Variants in TAOK3 observed in about 807,000 individuals in gnomAD.
The protein encoded by TAOK3 is TAO kinase 3, also known as serine/threonine-protein kinase TAO3.
In TAOK3, 40 loss-of-function variants were observed where a neutral mutation model predicts 120.4. That is an observed-to-expected ratio of 0.33 (90% CI 0.26 to 0.43). The LOEUF is 0.43. TAOK3 is among the 20% of genes least tolerant of loss of function. The pLI is 1.00. For synonymous variants in TAOK3, 355 were observed against 387.5 expected, an observed-to-expected ratio of 0.92 and a Z score of 0.99; for missense variants, 821 against 1,112.1, an observed-to-expected ratio of 0.74 and a Z score of 3.72.
At position 118,266,777 on chromosome 12, in the gene TAOK3, C is replaced by A. The variant is rs1278238156; in HGVS notation, c.-193-18G>T. ...GATGCAACCTATAGAAAAAGAAGAA[C>A]AAAATACATAATTATCAGCCAAATT... On this transcript the variant is annotated intron_variant, in intron 1 of 20. Coordinates refer to ENST00000392533, the MANE Select transcript of TAOK3 (RefSeq NM_016281.4). The A allele has an allele frequency of 7.6e-6, 3 of 395,162 alleles. No individual in the cohort carries two copies. The highest frequency in any genetic ancestry group is 6.2e-5 in the African/African-American group (3 of 48,520). 24.5% of individuals were successfully genotyped at this position (395,162 alleles called of 1,614,324 possible). A position where few individuals can be genotyped will look rare whatever the true frequency, so the allele number is the denominator to read the frequency against.
intron 5 of TAOK3, among the ~76,000 whole-genome samples, chr12:118,240,886 T>C (rs931478966): frequency 6.6e-6 from 1 of 151,864 alleles, no homozygotes; most frequent in Admixed American, 6.6e-5. Flanking sequence ...AATATATTTA[T>C]ATTATGTACC....
intron 1 of TAOK3, among the ~76,000 whole-genome samples, chr12:118,267,072 G>A (rs914604385): frequency 4.6e-5 from 7 of 152,190 alleles, no homozygotes; most frequent in African/African-American, 1.4e-4. Flanking sequence ...GACAGCACGC[G>A]GTAATGCTAC....
chr12:118,189,873 T>C lies in TAOK3; in HGVS notation c.1263A>G (p.Ser421=). 1.9e-6 allele frequency: 3 copies of C among 1,614,234 alleles called. No individual in the cohort carries two copies. Among genetic ancestry groups the C allele is most frequent in the Non-Finnish European group, 8.5e-7 (1 of 1,180,044 alleles). Residue 421 remains serine (S), a synonymous_variant, in exon 14 of 21, where the codon TCA becomes TCG. Transcript: ENST00000392533. ...GGTAGTGGAGGGCCTGGCTCTGAAC[T>C]GACTGGGTAGGCCGCGGCTCAGGCC... ...DPRPEPRPTQ[S]VQSQALHYRN...
At chr12:118,220,411 C>T (rs2039172139) in intron 9 of TAOK3, among the ~76,000 whole-genome samples, 2 of 151,892 alleles carry the variant, frequency 1.3e-5, no homozygotes, top group Non-Finnish European at 2.9e-5. Flanking sequence ...AATCTTTGTT[C>T]AGTAAGTAAT....
At chr12:118,303,636 C>T (rs899188884) in intron 1 of TAOK3, among the ~76,000 whole-genome samples, 4 of 152,068 alleles carry the variant, frequency 2.6e-5, no homozygotes, top group South Asian at 2.1e-4. Flanking sequence ...TTTAATTTTT[C>T]CCTTACTGCT....
intron 20 of TAOK3, among the ~76,000 whole-genome samples, chr12:118,151,866 A>T (rs184199847): frequency 6.6e-6 from 1 of 152,122 alleles, no homozygotes; most frequent in Non-Finnish European, 1.5e-5. Flanking sequence ...TGAAAAGTCA[A>T]ATCTATTGTA....
At chr12:118,222,695 A>G (rs1157667410) in intron 9 of TAOK3, among the ~76,000 whole-genome samples, 1 of 152,198 alleles carries the variant, frequency 6.6e-6, no homozygotes, top group African/African-American at 2.4e-5. Flanking sequence ...ACAGCATTAT[A>G]TTCTCACTTA....
intron 19 of TAOK3, among the ~76,000 whole-genome samples, chr12:118,158,340 G>A (rs2034982400): frequency 6.6e-6 from 1 of 152,112 alleles, no homozygotes; most frequent in African/African-American, 2.4e-5. Context: ...TAACAATGAA[G>A]TCTAGCTTTC....
chr12:118,287,698 A>G (rs2140483853), intron 1 of TAOK3, among the ~76,000 whole-genome samples: 1 of 152,262 alleles, frequency 6.6e-6, no homozygotes, highest in African/African-American at 2.4e-5. Context: ...AAAGTCTATG[A>G]TTTTGCCATG....
At chr12:118,252,729 T>C (rs921318791) in intron 3 of TAOK3, among the ~76,000 whole-genome samples, 38 of 150,898 alleles carry the variant, frequency 2.5e-4, no homozygotes, top group Non-Finnish European at 5.0e-4. Context: ...TTTTCTTTTT[T>C]TTTTTTTTGA....
intron 6 of TAOK3, among the ~76,000 whole-genome samples, chr12:118,238,622 C>G (rs2040116360): frequency 6.6e-6 from 1 of 151,012 alleles, no homozygotes; most frequent in Admixed American, 6.6e-5. Context: ...ATTCAGAGAT[C>G]AACAGTGATT....
At chr12:118,177,078 G>T in intron 16 of TAOK3, 123 bp downstream of exon 16, 2 of 1,067,656 alleles carry the variant, frequency 1.9e-6, no homozygotes, top group Non-Finnish European at 2.7e-6. Flanking sequence ...GCATTTTAGG[G>T]TATTCTAATG....
At chr12:118,366,170 A>G (rs140695147) in intron 1 of TAOK3, among the ~76,000 whole-genome samples, 3,357 of 152,290 alleles carry the variant, frequency 0.022, 119 homozygotes, top group African/African-American at 0.076. Context: ...AGGCTGAGGC[A>G]GGAGAATCAC....
In TAOK3 at chr12:118,208,895, A is replaced by G. The variant is rs1375863691; in HGVS notation, c.819+4019T>C. 2.0e-5 allele frequency among the ~76,000 whole-genome samples: 3 copies of G among 151,848 alleles called. No individual in the cohort carries two copies. The South Asian group carries it at 6.3e-4, about 32-fold the overall frequency. ...CCCAGCTAATTTTTGTATTTTTAGG[A>G]GAGATGGGGTTTCACTATTTTGGCC... On this transcript the variant is annotated intron_variant, in intron 11 of 20. Coordinates refer to ENST00000392533, the MANE Select transcript of TAOK3 (RefSeq NM_016281.4).
intron 2 of TAOK3, among the ~76,000 whole-genome samples, chr12:118,258,440 G>A (rs771999188): frequency 6.6e-6 from 1 of 152,158 alleles, no homozygotes; most frequent in African/African-American, 2.4e-5. Flanking sequence ...CTGGCCGGGC[G>A]CAGTGGCTTA....
intron 1 of TAOK3, among the ~76,000 whole-genome samples, chr12:118,309,187 G>C (rs1467269851): frequency 6.6e-6 from 1 of 151,718 alleles, no homozygotes; most frequent in African/African-American, 2.4e-5. Context: ...AAATAAGCTG[G>C]GCGTGGTGCT....
intron 14 of TAOK3, 52 bp from the exon 15 acceptor site, chr12:118,181,659 G>T: frequency 1.3e-6 from 2 of 1,511,130 alleles, no homozygotes; most frequent in African/African-American, 1.4e-5. Context: ...TGGGAGACAA[G>T]CTTTCATGCA....
chr12:118,334,654 T>A (rs1464191457), intron 1 of TAOK3, among the ~76,000 whole-genome samples: 1 of 152,054 alleles, frequency 6.6e-6, no homozygotes, highest in Admixed American at 6.5e-5. Context: ...GGTGGGCAGA[T>A]CATGAGGTCA....
At chr12:118,296,772 T>C (rs920799651) in intron 1 of TAOK3, among the ~76,000 whole-genome samples, 1 of 152,250 alleles carries the variant, frequency 6.6e-6, no homozygotes. Flanking sequence ...TTTAGCCTGC[T>C]ACATCTAGCT....
Sources: allele counts gnomAD v4.1 joint callset (sites outside exome capture counted in the v4.1 genomes callset), GRCh38; gene constraint gnomAD v4.1.1; transcripts MANE v1.5; gene names NCBI Gene and HGNC (gene_info 2026-07-23, HGNC 2026-07-21).